Variants in FUT8 observed in about 807,000 individuals in gnomAD.
FUT8 encodes the protein alpha-(1,6)-fucosyltransferase.
In FUT8, 29 loss-of-function variants were observed where a neutral mutation model predicts 71.3. The observed-to-expected ratio is 0.41, with a 90% CI of 0.30 to 0.55. The LOEUF is 0.55. FUT8 is among the 20% of genes least tolerant of loss of function. The pLI is 0.34. For missense variants in FUT8, 544 were observed against 702.1 expected (o/e 0.77, Z 2.55); for synonymous variants, 254 against 239.3 (o/e 1.06, Z -0.57).
chr14:65,520,278 T>C (rs1273592326), intron 2 of FUT8, among the ~76,000 whole-genome samples: 3 of 152,320 alleles, frequency 2.0e-5, no homozygotes, highest in African/African-American at 7.2e-5. Flanking sequence ...TGTATACTTA[T>C]AAATTTAATT....
Position 65,607,087 on chromosome 14 carries a change from C to A in FUT8, c.204-8891C>A, listed in dbSNP as rs1005404585. On this transcript the variant is annotated intron_variant, in intron 3 of 10. Transcript: ENST00000673929. The surrounding 1 kb of genome is among the most constrained non-coding windows in gnomAD (Gnocchi z 4.1). ...TATTGTATATAGTGATGTCCCTGAA[C>A]TTTATTAGTACGATTTGTAGATTAT... 3.3e-5 allele frequency among the ~76,000 whole-genome samples: 5 copies of A among 151,808 alleles called. No homozygotes were observed. The highest frequency in any genetic ancestry group is 7.4e-5 in the Non-Finnish European group (5 of 67,868).
intron 7 of FUT8, among the ~76,000 whole-genome samples, chr14:65,673,249 CAA>C (rs1292918204): frequency 6.6e-6 from 1 of 152,110 alleles, no homozygotes; most frequent in African/African-American, 2.4e-5. Flanking sequence ...AGGTTTTAGT[CAA>C]AGAGTTTTAT....
At chr14:65,496,059 T>C (rs911799773) in intron 2 of FUT8, among the ~76,000 whole-genome samples, 1 of 152,106 alleles carries the variant, frequency 6.6e-6, no homozygotes, top group African/African-American at 2.4e-5. Flanking sequence ...GTTAAATAGA[T>C]AACTTTGAAG....
At position 65,603,963 on chromosome 14, in the gene FUT8, A is replaced by C. The variant is rs939324299; in HGVS notation, c.204-12015A>C. Among the ~76,000 whole-genome samples the C allele has an allele frequency of 6.6e-6, 1 of 151,796 alleles. No homozygotes were observed. Among genetic ancestry groups the C allele is most frequent in the Non-Finnish European group, 1.5e-5 (1 of 67,898 alleles). ...AGCGAGCAGGAGTAGCTATTCTTAC[A>C]TCAGACAAAACAAAAAACAACAGCA... On this transcript the variant is annotated intron_variant, in intron 3 of 10. Coordinates refer to ENST00000673929, the MANE Select transcript of FUT8 (RefSeq NM_001371533.1). This position sits in a 1 kb window ranked among gnomAD's most constrained non-coding sequence, Gnocchi z 4.5.
At chr14:65,567,857 A>G (rs948449262) in intron 3 of FUT8, among the ~76,000 whole-genome samples, 1 of 151,916 alleles carries the variant, frequency 6.6e-6, no homozygotes, top group Non-Finnish European at 1.5e-5. Flanking sequence ...GATTTTTTCT[A>G]TATAAATGAG....
intron 7 of FUT8, among the ~76,000 whole-genome samples, chr14:65,706,555 A>G (rs1008891609): frequency 6.6e-6 from 1 of 152,172 alleles, no homozygotes; most frequent in Non-Finnish European, 1.5e-5. Context: ...TATAAACAAC[A>G]GCAATTTATT....
At chr14:65,717,351 ACGCTCCT>A (rs1895155586) in intron 7 of FUT8, among the ~76,000 whole-genome samples, 1 of 49,982 alleles carries the variant, frequency 2.0e-5, no homozygotes, top group East Asian at 7.2e-4. Flanking sequence ...CCGGGCAGAG[ACGCTCCT>A]CACTTCCCAG....
chr14:65,637,885 G>A (rs1890642408), intron 6 of FUT8, among the ~76,000 whole-genome samples: 1 of 152,090 alleles, frequency 6.6e-6, no homozygotes, highest in African/African-American at 2.4e-5. Flanking sequence ...CTCCCTCCTA[G>A]GGGTGTTGCA....
chr14:65,483,135 T>C lies in FUT8; in HGVS notation c.-228+27417T>C, dbSNP rs1195505041. 1.3e-5 allele frequency among the ~76,000 whole-genome samples: 2 copies of C among 152,234 alleles called. No homozygotes were observed. The highest frequency in any genetic ancestry group is 2.9e-5 in the Non-Finnish European group (2 of 68,038). ...ACTAGCACCCTAAAGAATGGATTTC[T>C]GGCAAGTTCCACAAGGTAGACTTCC... is the stretch of plus-strand genomic sequence containing the variant. On this transcript the variant is annotated intron_variant, in intron 2 of 10. Coordinates refer to ENST00000673929, the MANE Select transcript of FUT8 (RefSeq NM_001371533.1). The surrounding 1 kb of genome is among the most constrained non-coding windows in gnomAD (Gnocchi z 4.4).
At chr14:65,430,046 G>A (rs1444283299) in intron 1 of FUT8, among the ~76,000 whole-genome samples, 1 of 150,292 alleles carries the variant, frequency 6.7e-6, no homozygotes, top group East Asian at 1.9e-4. Context: ...TTGAGACAGG[G>A]TATCACTCTG....
rs897121644 is a variant in FUT8, at chr14:65,574,787, G to A, written c.203+13021G>A. Among the ~76,000 whole-genome samples, 1 of 152,220 alleles carries A rather than the reference G, an allele frequency of 6.6e-6. No individual in the cohort carries two copies. The highest frequency in any genetic ancestry group is 1.9e-4 in the East Asian group (1 of 5,182). The stretch of plus-strand genomic sequence containing the variant: ...CACAGTGAACTTCATTGTTTGTGGC[G>A]CAATGTCTTGCTTCCCTTGGTTCCT... On this transcript the variant is annotated intron_variant, in intron 3 of 10. Transcript: ENST00000673929. The surrounding 1 kb of genome is among the most constrained non-coding windows in gnomAD (Gnocchi z 5.2).
In FUT8 at chr14:65,669,457, G is replaced by C; in HGVS notation, c.812G>C (p.Gly271Ala). Residue 271 changes from glycine (G) to alanine (A), a missense_variant, in exon 7 of 11, where the codon GGC (glycine) becomes GCC (alanine). Transcript: ENST00000673929. The surrounding 1 kb of genome is among the most constrained non-coding windows in gnomAD (Gnocchi z 4.5). Reference protein sequence around the residue: ...PVSETCTDRSGISTGHWSGEV... With the variant: ...PVSETCTDRSAISTGHWSGEV... ...AGTGAGACATGCACAGACAGATCTG[G>C]CATCTCCACTGGACACTGGTCAGGT... 6.2e-7 allele frequency: 1 copy of C among 1,613,156 alleles called. No homozygotes were observed. The highest frequency in any genetic ancestry group is 8.5e-7 in the Non-Finnish European group (1 of 1,179,340).
At chr14:65,460,801 T>A (rs944781641) in intron 2 of FUT8, among the ~76,000 whole-genome samples, 5 of 152,160 alleles carry the variant, frequency 3.3e-5, no homozygotes, top group African/African-American at 1.2e-4. Context: ...GAGGCTTGAT[T>A]AGGATTGGGT....
chr14:65,616,245 G>A lies in FUT8; in HGVS notation c.354G>A (p.Arg118=). The stretch of plus-strand genomic sequence containing the variant: ...AGGATCATGAAATCCTGAGGAGGAG[G>A]ATTGAAAATGGAGCTAAAGAGCTCT... The part of the protein sequence containing the change: ...LGKDHEILRR[R]IENGAKELWF... The change falls in exon 5 of 11, where the codon AGG becomes AGA. Residue 118 remains arginine (R), a synonymous_variant. Transcript: ENST00000673929. The A allele has an allele frequency of 6.2e-7, 1 of 1,610,630 alleles. No homozygotes were observed. Among genetic ancestry groups the A allele is most frequent in the Admixed American group, 1.7e-5 (1 of 59,192 alleles).
chr14:65,672,994 T>C (rs1370776430), intron 7 of FUT8, among the ~76,000 whole-genome samples: 2 of 152,248 alleles, frequency 1.3e-5, no homozygotes, highest in Non-Finnish European at 1.5e-5. Context: ...CCTTCTCTTG[T>C]CTTTTTCCCA....
chr14:65,501,832 T>C (rs995112990), intron 2 of FUT8, among the ~76,000 whole-genome samples: 2 of 152,154 alleles, frequency 1.3e-5, no homozygotes, highest in African/African-American at 4.8e-5. Flanking sequence ...AAAGTTGTTA[T>C]TATTATTTAA....
intron 7 of FUT8, among the ~76,000 whole-genome samples, chr14:65,682,442 C>T (rs527543141): frequency 6.6e-6 from 1 of 151,864 alleles, no homozygotes; most frequent in South Asian, 2.1e-4. Context: ...GAGTCCAAAG[C>T]TACAGTGAAC....
intron 3 of FUT8, among the ~76,000 whole-genome samples, chr14:65,614,100 C>T (rs1400066416): frequency 4.9e-5 from 6 of 122,496 alleles, no homozygotes; most frequent in Non-Finnish European, 8.4e-5. Flanking sequence ...GGTGACAAAT[C>T]GAGACTGTGT....
chr14:65,671,600 A>G (rs954071325), intron 7 of FUT8, among the ~76,000 whole-genome samples: 1 of 152,212 alleles, frequency 6.6e-6, no homozygotes, highest in African/African-American at 2.4e-5. Flanking sequence ...TAGCAGAATA[A>G]TCTACCATCA....
Sources: allele counts gnomAD v4.1 joint callset (sites outside exome capture counted in the v4.1 genomes callset), GRCh38; gene constraint gnomAD v4.1.1; non-coding constraint Gnocchi (gnomAD v3.1); transcripts MANE v1.5; gene names NCBI Gene and HGNC (gene_info 2026-07-23, HGNC 2026-07-21).